The following DOP1B variants were observed in gnomAD, a reference collection of about 807,000 sequenced individuals.
DOP1B encodes protein DOP1B.
Under a neutral mutation model 233.5 loss-of-function variants are expected in DOP1B, and 174 were observed. That is an observed-to-expected ratio of 0.75 (90% CI 0.66 to 0.85). The LOEUF (loss-of-function observed/expected upper bound fraction) is 0.85, where lower values mean the gene tolerates loss of function less well. DOP1B is among the 40% of genes least tolerant of loss of function. The pLI, the probability that DOP1B is intolerant of heterozygous loss-of-function variation, is 0.00. For missense variants in DOP1B, 2,652 were observed against 2,846.6 expected, an observed-to-expected ratio of 0.93 and a Z score of 1.56; for synonymous variants, 1,190 against 1,185.6, an observed-to-expected ratio of 1.00 and a Z score of -0.08.
rs546826037 is a variant in DOP1B, at chr21:36,166,515, A to G, written c.138+1644A>G. Among the ~76,000 whole-genome samples, 24 of 152,286 alleles carry G rather than the reference A, an allele frequency of 1.6e-4. 1 individual carries two copies. The South Asian group carries it at 4.8e-3, about 30-fold the overall frequency. On this transcript the variant is annotated intron_variant, in intron 2 of 36. Transcript: ENST00000691173. ...GGAACCACATCTCTATATAAGTGAC[A>G]TATAGATGGGAGCATTATATTTTCC...
Position 36,214,057 on chromosome 21 carries a change from A to G in DOP1B, c.905-24A>G, listed in dbSNP as rs751075254. On this transcript the variant is annotated intron_variant, in intron 7 of 36. Coordinates refer to ENST00000691173, the MANE Select transcript of DOP1B (RefSeq NM_001320714.2). Reference sequence around the variant, plus strand: ...CCTTTAAAAGCACAGCTCTCTTTACAGCTCGGCGCTTGTTCTTTTGTAGGC... The same window carrying G: ...CCTTTAAAAGCACAGCTCTCTTTACGGCTCGGCGCTTGTTCTTTTGTAGGC... 36 of 1,553,338 alleles carry G rather than the reference A, an allele frequency of 2.3e-5. No homozygotes were observed. In the South Asian group the frequency reaches 4.1e-4, roughly 18 times the overall value.
chr21:36,227,965 G>A (rs2066713242), intron 13 of DOP1B, 88 bp downstream of exon 13: 2 of 1,309,246 alleles, frequency 1.5e-6, no homozygotes, highest in Non-Finnish European at 2.0e-6. Flanking sequence ...GGTTGGTTAG[G>A]ATAGGAATAA....
intron 24 of DOP1B, chr21:36,261,415 A>T (rs1432995623): frequency 5.0e-6 from 5 of 990,664 alleles, no homozygotes; most frequent in Non-Finnish European, 4.8e-6. Flanking sequence ...TGGCGTTCTC[A>T]GTGTGCCTTC....
chr21:36,247,630 TA>T lies in DOP1B; in HGVS notation c.4809+5del. ...GAACAAGCCAACCAAAACAAAAAGG[TA>T]AATTTTTTTTTTTCCTGAGTTCAAG... On this transcript the variant is annotated splice_donor_region_variant and intron_variant, in intron 20 of 36. Coordinates refer to ENST00000691173, the MANE Select transcript of DOP1B (RefSeq NM_001320714.2). The T allele has an allele frequency of 6.6e-7, 1 of 1,522,314 alleles. No individual in the cohort carries two copies. Among genetic ancestry groups the T allele is most frequent in the Non-Finnish European group, 8.7e-7 (1 of 1,152,940 alleles). The allele number at this position is 1,522,314 out of a possible 1,614,324, so 94.3% of individuals were successfully genotyped here.
rs765026626 is a variant in DOP1B at position 36,232,851 on chromosome 21, A to G, written c.2398A>G (p.Ile800Val). ...FPSWLKSLMT[I>V]CCCVTDCYLQ... ...ATCTTGGCTGAAGTCCCTCATGACT[A>G]TTTGCTGCTGTGTGACTGACTGCTA... The change falls in exon 15 of 37, where the codon ATT (isoleucine) becomes GTT (valine). Residue 800 changes from isoleucine (I) to valine (V), a missense_variant. By Grantham distance (29) the Ile-to-Val change is conservative. Transcript: ENST00000691173. The G allele has an allele frequency of 1.9e-6, 3 of 1,613,200 alleles. No homozygotes were observed. The highest frequency in any genetic ancestry group is 1.7e-6 in the Non-Finnish European group (2 of 1,179,914).
At chr21:36,260,952 T>C (rs2067162617) in intron 24 of DOP1B, 1 of 1,319,114 alleles carries the variant, frequency 7.6e-7, no homozygotes, top group Non-Finnish European at 9.6e-7. Flanking sequence ...TTGAACACTT[T>C]ATATGAGCGA....
At chr21:36,285,155 G>A (rs1294084742) in intron 32 of DOP1B, among the ~76,000 whole-genome samples, 2 of 152,040 alleles carry the variant, frequency 1.3e-5, no homozygotes, top group East Asian at 1.9e-4. Flanking sequence ...CGCCTCCTAG[G>A]TTCAAGTGAT....
chr21:36,201,586 G>A (rs1179169732), intron 4 of DOP1B, among the ~76,000 whole-genome samples: 1 of 151,790 alleles, frequency 6.6e-6, no homozygotes, highest in East Asian at 2.0e-4. Context: ...GGCCTCAAGT[G>A]ATCCGCCCAC....
rs2123594876 is a variant in DOP1B at position 36,246,481 on chromosome 21, T to C, written c.4501T>C (p.Ser1501Pro). 1 of 1,614,122 alleles carries C rather than the reference T, an allele frequency of 6.2e-7. No individual in the cohort carries two copies. Among genetic ancestry groups the C allele is most frequent in the South Asian group, 1.1e-5 (1 of 91,080 alleles). ...CCTCACCTCCCAGGGTCTTCTGGTC[T>C]CTGCGGTGGTGAGGGGTCTGCAGCC... Reference protein sequence around the residue: ...HPLTSQGLLVSAVVRGLQPAY... With the variant: ...HPLTSQGLLVPAVVRGLQPAY... The change falls in exon 19 of 37, where the codon TCT becomes CCT. Residue 1501 changes from serine (S) to proline (P), a missense_variant. Around this residue, in one of 3 missense-constraint regions of DOP1B, gnomAD observed 2,617 missense variants for 2,794.3 expected, o/e 0.94. Transcript: ENST00000691173. The surrounding 1 kb of genome is among the most constrained non-coding windows in gnomAD (Gnocchi z 5.1).
At chr21:36,244,913 T>C (rs2066936858) in intron 18 of DOP1B, 135 bp from the exon 19 acceptor site, 1 of 845,314 alleles carries the variant, frequency 1.2e-6, no homozygotes, top group South Asian at 2.0e-5. Context: ...AACCGGACTC[T>C]GGTGGTGGTG....
intron 4 of DOP1B, among the ~76,000 whole-genome samples, chr21:36,204,383 C>G (rs2066404730): frequency 1.3e-5 from 2 of 152,136 alleles, no homozygotes; most frequent in Admixed American, 6.5e-5. Flanking sequence ...TAAAGAGTTA[C>G]CCACAGCGTC....
intron 34 of DOP1B, 55 bp downstream of exon 34, chr21:36,288,866 G>A (rs1601486670): frequency 7.3e-6 from 11 of 1,513,276 alleles, no homozygotes; most frequent in South Asian, 2.3e-5. Flanking sequence ...ATTAAAGCAC[G>A]TCACTTTAGA....
chr21:36,262,236 T>G (rs2284637), intron 24 of DOP1B, among the ~76,000 whole-genome samples: 9,034 of 152,256 alleles, frequency 0.059, 580 homozygotes, highest in East Asian at 0.33. Context: ...TATATTGCGT[T>G]GCTGGCGAAT....
intron 1 of DOP1B, among the ~76,000 whole-genome samples, chr21:36,162,674 C>T (rs1328257132): frequency 2.0e-5 from 3 of 152,060 alleles, no homozygotes; most frequent in Non-Finnish European, 4.4e-5. Context: ...TCCCGAGTAG[C>T]TGGGACAGGT....
At chr21:36,175,232 T>TCCA (rs2123416322) in intron 2 of DOP1B, among the ~76,000 whole-genome samples, 1 of 152,116 alleles carries the variant, frequency 6.6e-6, no homozygotes, top group South Asian at 2.1e-4. Context: ...TGCCTCAGCC[T>TCCA]CCAAAGTAGC....
At chr21:36,260,987 T>C in intron 24 of DOP1B, 1 of 1,220,208 alleles carries the variant, frequency 8.2e-7, no homozygotes, top group Non-Finnish European at 1.0e-6. Context: ...CCTGTTAAAC[T>C]TTAAAAGGCT....
In DOP1B at chr21:36,278,065, C is replaced by T. The variant is rs770222519; in HGVS notation, c.5803C>T (p.Pro1935Ser). 3.1e-6 allele frequency: 5 copies of T among 1,614,134 alleles called. No homozygotes were observed. The highest frequency in any genetic ancestry group is 2.2e-5 in the South Asian group (2 of 91,086). Reference sequence around the variant, plus strand: ...CTCCCGTCTGCTTTACTATGTTTTTCCATACTTACGCAACCACAGGTAACG... The same window carrying T: ...CTCCCGTCTGCTTTACTATGTTTTTTCATACTTACGCAACCACAGGTAACG... ...LISRLLYYVFPYLRNHSAYNA... is the reference protein window; with the variant it reads ...LISRLLYYVFSYLRNHSAYNA... The change falls in exon 29 of 37, where the codon CCA (proline) becomes TCA (serine). Residue 1935 changes from proline (P) to serine (S), a missense_variant. This residue lies in a region of DOP1B where 2,617 missense variants were observed against 2,794.3 expected (regional missense o/e 0.94). Coordinates refer to ENST00000691173, the MANE Select transcript of DOP1B (RefSeq NM_001320714.2).
intron 2 of DOP1B, among the ~76,000 whole-genome samples, chr21:36,176,717 A>AG (rs944437473): frequency 3.3e-5 from 5 of 152,082 alleles, no homozygotes; most frequent in Non-Finnish European, 7.4e-5. Flanking sequence ...TCTGCAGGAG[A>AG]GGGGCCAGCC....
At chr21:36,192,897 G>A (rs1833083414) in intron 2 of DOP1B, among the ~76,000 whole-genome samples, 1 of 151,804 alleles carries the variant, frequency 6.6e-6, no homozygotes. Context: ...CACTGTGTTA[G>A]CCAGGATGGT....
Sources: allele counts gnomAD v4.1 joint callset (sites outside exome capture counted in the v4.1 genomes callset), GRCh38; gene constraint gnomAD v4.1.1; regional missense constraint gnomAD v4.1.1; non-coding constraint Gnocchi (gnomAD v3.1); transcripts MANE v1.5; gene names NCBI Gene and HGNC (gene_info 2026-07-23, HGNC 2026-07-21).